Variants in PROSER3 observed in about 807,000 individuals in gnomAD.
PROSER3 encodes the protein proline and serine-rich protein 3.
PROSER3 carries 33 observed loss-of-function variants against 50.2 expected under a neutral mutation model. The observed-to-expected ratio is 0.66, with a 90% CI of 0.50 to 0.88. The LOEUF (loss-of-function observed/expected upper bound fraction) is 0.88, where lower values mean the gene tolerates loss of function less well. PROSER3 is among the 40% of genes least tolerant of loss of function. The pLI is 0.00. For synonymous variants in PROSER3, 266 were observed against 259.3 expected (o/e 1.03, Z -0.25); for missense variants, 623 against 612.7 (o/e 1.02, Z -0.18).
chr19:35,763,579 C>T (rs1971033361), intron 5 of PROSER3, among the ~76,000 whole-genome samples: 1 of 147,048 alleles, frequency 6.8e-6, no homozygotes, highest in African/African-American at 2.5e-5. Context: ...TCTCGGCTCA[C>T]TGCAAACCCC....
chr19:35,762,530 G>A (rs1236310907), intron 5 of PROSER3, 174 bp downstream of exon 5: 6 of 454,842 alleles, frequency 1.3e-5, no homozygotes, highest in Non-Finnish European at 1.2e-5. Context: ...GTGACATGGT[G>A]AGATTCTGCC....
chr19:35,766,835 C>T (rs1422762566), exon 8 of PROSER3: 2 of 1,551,584 alleles, frequency 1.3e-6, no homozygotes, highest in Non-Finnish European at 1.7e-6. Context: ...CCCAAGCACC[C>T]CTTCGGCCAG....
intron 5 of PROSER3, among the ~76,000 whole-genome samples, chr19:35,764,639 A>G (rs1472432517): frequency 1.3e-5 from 2 of 151,382 alleles, no homozygotes; most frequent in Non-Finnish European, 2.9e-5. Context: ...CTGGGCAACA[A>G]GTGAAATTCA....
intron 1 of PROSER3, 114 bp downstream of exon 1, chr19:35,758,340 C>T: frequency 7.5e-7 from 1 of 1,337,132 alleles, no homozygotes; most frequent in Non-Finnish European, 9.9e-7. Context: ...CTCCACCGCA[C>T]TGGAACTACA....
intron 7 of PROSER3, 27 bp downstream of exon 7, chr19:35,765,203 G>A: frequency 1.2e-6 from 2 of 1,607,086 alleles, no homozygotes; most frequent in South Asian, 1.1e-5. Context: ...AAAGACTGAG[G>A]GCAGCCTGGG....
At chr19:35,762,283 A>G in exon 5 of PROSER3, 1 of 1,612,496 alleles carries the variant, frequency 6.2e-7, no homozygotes, top group African/African-American at 1.3e-5. Flanking sequence ...GGAAGACCCC[A>G]TACAGCTGTC....
exon 11 of PROSER3, chr19:35,768,410 G>A (rs1971245373): frequency 3.1e-6 from 5 of 1,595,964 alleles, no homozygotes; most frequent in Non-Finnish European, 4.2e-6. Flanking sequence ...CCAGGGAAGC[G>A]GATGCCCGAT....
At chr19:35,761,364 C>T (rs1230848023) in intron 3 of PROSER3, among the ~76,000 whole-genome samples, 1 of 152,030 alleles carries the variant, frequency 6.6e-6, no homozygotes, top group East Asian at 1.9e-4. Context: ...GGCAAGACCC[C>T]GTTTCTACTA....
intron 1 of PROSER3, 47 bp from the exon 2 acceptor site, chr19:35,759,327 G>C (rs1448105734): frequency 6.7e-7 from 1 of 1,499,422 alleles, no homozygotes; most frequent in Non-Finnish European, 9.2e-7. Context: ...CCTCCCCAGG[G>C]CTGCGGCGAA....
At chr19:35,770,685 C>CTG (rs1169552774), downstream of PROSER3, 1 of 152,046 alleles carries the variant, frequency 6.6e-6, no homozygotes, top group Non-Finnish European at 1.5e-5. Flanking sequence ...CAAGACCAGC[C>CTG]TGGCCAACAT....
chr19:35,758,614 C>G (rs1348003024), intron 1 of PROSER3: 16 of 248,428 alleles, frequency 6.4e-5, no homozygotes, highest in Non-Finnish European at 1.2e-4. Context: ...GCCTTCGTGT[C>G]CCCCAGGAAT....
chr19:35,763,635 C>G lies in PROSER3; in HGVS notation c.544-1219C>G, dbSNP rs10439090. On this transcript the variant is annotated intron_variant, in intron 5 of 10. Coordinates refer to ENST00000396908, the Ensembl canonical transcript of PROSER3. ...TCTCCTGCCTCAGCCTCCCGAGTAG[C>G]TGGGACTACAGGTGCCTGCCACCAC... is the stretch of plus-strand genomic sequence containing the variant. Among the ~76,000 whole-genome samples, 476 of 151,324 alleles carry G rather than the reference C, an allele frequency of 3.1e-3. 4 individuals are homozygous for G. The highest frequency in any genetic ancestry group is 0.011 in the African/African-American group (458 of 41,186).
chr19:35,765,111 G>T (rs1174334103), exon 7 of PROSER3: 2 of 1,613,868 alleles, frequency 1.2e-6, no homozygotes, highest in South Asian at 2.2e-5. Flanking sequence ...AGCTCTGATG[G>T]CCTCTCTCCC....
intron 3 of PROSER3, among the ~76,000 whole-genome samples, chr19:35,760,214 T>C (rs1275346299): frequency 2.6e-5 from 4 of 152,176 alleles, no homozygotes; most frequent in Non-Finnish European, 4.4e-5. Context: ...TATCTCTTTT[T>C]ATTTATTTAT....
rs377040392 is a variant in PROSER3, at chr19:35,766,650, C to T, written c.770-118C>T. The T allele has an allele frequency of 5.7e-6, 4 of 699,380 alleles. No individual in the cohort carries two copies. In the African/African-American group the frequency reaches 7.2e-5, roughly 13 times the overall value. 43.3% of individuals were successfully genotyped at this position (699,380 alleles called of 1,614,324 possible). A position where few individuals can be genotyped will look rare whatever the true frequency, so the allele number is the denominator to read the frequency against. The stretch of plus-strand genomic sequence containing the variant: ...CCCCAGAGAGGAGCTGGGACAGTAT[C>T]TGGAGAGCCTGTCTGAGTAACCCCC... On this transcript the variant is annotated intron_variant, in intron 7 of 10. Coordinates refer to ENST00000396908, the Ensembl canonical transcript of PROSER3.
At chr19:35,761,518 C>T (rs1047246220) in intron 3 of PROSER3, among the ~76,000 whole-genome samples, 18 of 152,126 alleles carry the variant, frequency 1.2e-4, no homozygotes, top group African/African-American at 3.6e-4. Context: ...CCAAATTAGC[C>T]GGGCGTGGTG....
chr19:35,768,243 G>C lies in PROSER3; in HGVS notation c.1301+7G>C. ...AGCTGAGTCGGCAGAAAAGGTGACC[G>C]ACCCTCCATCCCCAGAGTCTATGAC... On this transcript the variant is annotated splice_region_variant and intron_variant, in intron 10 of 10. Transcript: ENST00000396908. The C allele has an allele frequency of 1.2e-6, 2 of 1,607,240 alleles. No individual in the cohort carries two copies. Among genetic ancestry groups the C allele is most frequent in the Non-Finnish European group, 1.7e-6 (2 of 1,177,858 alleles).
At chr19:35,759,689 C>T in intron 2 of PROSER3, 100 bp from the exon 3 acceptor site, 1 of 1,199,752 alleles carries the variant, frequency 8.3e-7, no homozygotes, top group Non-Finnish European at 1.2e-6. Context: ...GATGTGTTTC[C>T]TCCCCTCTGG....
At position 35,759,265 on chromosome 19, in the gene PROSER3, C is replaced by T. The variant is rs535919280; in HGVS notation, c.12-109C>T. 20 of 840,726 alleles carry T rather than the reference C, an allele frequency of 2.4e-5. No individual in the cohort carries two copies. The African/African-American group carries it at 2.7e-4, about 11-fold the overall frequency. The allele number at this position is 840,726 out of a possible 1,614,324, so 52.1% of individuals were successfully genotyped here. ...GTGCTTCATGGAAATGACAGTCCGT[C>T]TCCTCCAGGAATCTATGGGAATTGT... On this transcript the variant is annotated intron_variant, in intron 1 of 10. Transcript: ENST00000396908.
Sources: allele counts gnomAD v4.1 joint callset (sites outside exome capture counted in the v4.1 genomes callset), GRCh38; gene constraint gnomAD v4.1.1; transcripts MANE v1.5; gene names NCBI Gene and HGNC (gene_info 2026-07-23, HGNC 2026-07-21).